Variants in ENTREP2 observed in about 807,000 individuals in gnomAD.
The protein encoded by ENTREP2 is protein ENTREP2.
the ENTREP2 span, among the ~76,000 whole-genome samples, chr15:29,220,432 A>G: frequency 6.6e-6 from 1 of 152,184 alleles, no homozygotes; most frequent in Non-Finnish European, 1.5e-5. Flanking sequence ...CCTGGCCTTT[A>G]TGACCGATCA....
chr15:29,650,321 G>A, the ENTREP2 span, among the ~76,000 whole-genome samples: 4 of 152,126 alleles, frequency 2.6e-5, no homozygotes, highest in Admixed American at 6.5e-5. Flanking sequence ...GGCCACACGC[G>A]GTGGCTCACA....
the ENTREP2 span, among the ~76,000 whole-genome samples, chr15:29,524,964 T>C: frequency 1.3e-5 from 2 of 152,218 alleles, no homozygotes; most frequent in Admixed American, 1.3e-4. Context: ...TCAGGCGATA[T>C]ATGATTTCAC....
At chr15:29,300,044 G>T in the ENTREP2 span, among the ~76,000 whole-genome samples, 3 of 151,532 alleles carry the variant, frequency 2.0e-5, no homozygotes, top group African/African-American at 7.3e-5. Context: ...TGGGTAGATA[G>T]ATGGATAGAT....
the ENTREP2 span, among the ~76,000 whole-genome samples, chr15:29,543,151 AT>A: frequency 4.1e-5 from 2 of 48,520 alleles, no homozygotes; most frequent in African/African-American, 3.7e-4. Context: ...GACTGTCTAC[AT>A]GACATGTTAG....
the ENTREP2 span, chr15:29,128,653 C>T: frequency 1.4e-6 from 1 of 740,070 alleles, no homozygotes; most frequent in Non-Finnish European, 2.4e-6. Context: ...GCAAACTCCA[C>T]CCTCTTAAAG....
the ENTREP2 span, among the ~76,000 whole-genome samples, chr15:29,317,866 G>A: frequency 2.6e-5 from 4 of 152,134 alleles, no homozygotes; most frequent in Admixed American, 6.6e-5. Flanking sequence ...AGAAGGAGGC[G>A]GGAGGCTGTG....
At chr15:29,596,234 CAT>C in the ENTREP2 span, among the ~76,000 whole-genome samples, 1 of 152,178 alleles carries the variant, frequency 6.6e-6, no homozygotes, top group African/African-American at 2.4e-5. Flanking sequence ...TATACCTCTG[CAT>C]ATATATAATG....
the ENTREP2 span, among the ~76,000 whole-genome samples, chr15:29,449,696 A>G: frequency 6.6e-6 from 1 of 152,242 alleles, no homozygotes; most frequent in South Asian, 2.1e-4. Flanking sequence ...AAACTTGTTA[A>G]CAGAACAATG....
the ENTREP2 span, among the ~76,000 whole-genome samples, chr15:29,547,545 A>T: frequency 6.6e-6 from 1 of 152,338 alleles, no homozygotes; most frequent in South Asian, 2.1e-4. Context: ...CCTCACCCTC[A>T]TCAGGATGGC....
chr15:29,652,135 A>C, the ENTREP2 span, among the ~76,000 whole-genome samples: 5 of 152,116 alleles, frequency 3.3e-5, no homozygotes, highest in Non-Finnish European at 7.4e-5. Context: ...CTGCAGAGAG[A>C]GCCTTCCCAC....
At chr15:29,479,617 C>CTTCT in the ENTREP2 span, among the ~76,000 whole-genome samples, 2 of 149,978 alleles carry the variant, frequency 1.3e-5, no homozygotes, top group African/African-American at 4.9e-5. Context: ...TCTCTCCCTC[C>CTTCT]CTCTCTTTCT....
chr15:29,647,830 T>G, the ENTREP2 span, among the ~76,000 whole-genome samples: 1 of 151,998 alleles, frequency 6.6e-6, no homozygotes, highest in African/African-American at 2.4e-5. Flanking sequence ...AAAGGAAAAA[T>G]GACCATTTTG....
chr15:29,486,433 G>C, the ENTREP2 span, among the ~76,000 whole-genome samples: 1 of 152,234 alleles, frequency 6.6e-6, no homozygotes, highest in South Asian at 2.1e-4. Context: ...GCGCACGCCT[G>C]TAATCCCAGC....
the ENTREP2 span, among the ~76,000 whole-genome samples, chr15:29,191,843 G>GT: frequency 1.3e-5 from 2 of 152,320 alleles, no homozygotes; most frequent in African/African-American, 4.8e-5. Flanking sequence ...GGGCCCGGGA[G>GT]TTTGAGGCTG....
chr15:29,134,788 A>C, the ENTREP2 span, among the ~76,000 whole-genome samples: 4 of 152,146 alleles, frequency 2.6e-5, no homozygotes, highest in Non-Finnish European at 5.9e-5. Flanking sequence ...TGGGACAGGG[A>C]CCAGCATTGC....
chr15:29,666,585 C>A, the ENTREP2 span, among the ~76,000 whole-genome samples: 1 of 152,172 alleles, frequency 6.6e-6, no homozygotes, highest in South Asian at 2.1e-4. Context: ...ACCTCCTCTC[C>A]CTTATGGAAT....
At chr15:29,404,126 C>A in the ENTREP2 span, among the ~76,000 whole-genome samples, 1 of 151,910 alleles carries the variant, frequency 6.6e-6, no homozygotes, top group Non-Finnish European at 1.5e-5. Flanking sequence ...GAAGGGGGCA[C>A]GAGGCTGGAT....
At chr15:29,485,659 C>G in the ENTREP2 span, among the ~76,000 whole-genome samples, 1 of 152,198 alleles carries the variant, frequency 6.6e-6, no homozygotes, top group Non-Finnish European at 1.5e-5. Context: ...AACATCTCAA[C>G]AGCAAAGAAC....
the ENTREP2 span, chr15:29,268,876 TC>T: frequency 6.2e-7 from 1 of 1,614,126 alleles, no homozygotes; most frequent in South Asian, 1.1e-5. Context: ...CGCTGGCCAG[TC>T]CTTGGGGTCT....
Sources: gnomAD v4.1 joint callset for allele counts (sites outside exome capture counted in the v4.1 genomes callset) on GRCh38, gnomAD v4.1.1 for gene constraint, MANE v1.5 for transcripts, NCBI Gene and HGNC (gene_info 2026-07-23, HGNC 2026-07-21) for gene names.